CCDC60: variants seen among roughly 807,000 people sequenced by gnomAD.
CCDC60 encodes coiled-coil domain-containing protein 60.
In CCDC60, 54 loss-of-function variants were observed where a neutral mutation model predicts 63.5. The observed-to-expected ratio is 0.85, with a 90% CI of 0.68 to 1.07. The LOEUF (loss-of-function observed/expected upper bound fraction) is 1.07, where lower values mean the gene tolerates loss of function less well. Among genes scored for constraint, CCDC60 ranks in the 50% least tolerant of loss-of-function variants. CCDC60 has a pLI of 0.00. For synonymous variants in CCDC60, 206 were observed against 238.8 expected (o/e 0.86, Z 1.27); for missense variants, 651 against 684.3 (o/e 0.95, Z 0.54).
intron 7 of CCDC60, among the ~76,000 whole-genome samples, chr12:119,511,266 G>T (rs529649185): frequency 6.6e-6 from 1 of 152,150 alleles, no homozygotes; most frequent in Non-Finnish European, 1.5e-5. Flanking sequence ...GAATTCAGGA[G>T]TCCTATTCTA....
At chr12:119,536,981 T>A (rs914193139) in intron 13 of CCDC60, among the ~76,000 whole-genome samples, 1 of 152,234 alleles carries the variant, frequency 6.6e-6, no homozygotes, top group African/African-American at 2.4e-5. Flanking sequence ...GGGGAAGTTC[T>A]CCTGGATAAT....
intron 1 of CCDC60, among the ~76,000 whole-genome samples, chr12:119,407,352 A>AG (rs1491277921): frequency 6.8e-6 from 1 of 147,864 alleles, no homozygotes; most frequent in Non-Finnish European, 1.5e-5. Flanking sequence ...ACAAAAAAAA[A>AG]GAAAAGAAAA....
At chr12:119,343,898 GA>G in intron 1 of CCDC60, among the ~76,000 whole-genome samples, 1 of 152,060 alleles carries the variant, frequency 6.6e-6, no homozygotes, top group East Asian at 1.9e-4. Flanking sequence ...TATCCTGTCT[GA>G]AAAAATGCTG....
At chr12:119,421,489 TA>T (rs1301186276) in intron 1 of CCDC60, among the ~76,000 whole-genome samples, 2 of 152,184 alleles carry the variant, frequency 1.3e-5, no homozygotes, top group East Asian at 3.8e-4. Flanking sequence ...CTTTGCCACT[TA>T]ATAGCAAGTC....
chr12:119,440,150 G>A (rs745836230), intron 2 of CCDC60, among the ~76,000 whole-genome samples: 1 of 152,152 alleles, frequency 6.6e-6, no homozygotes, highest in Non-Finnish European at 1.5e-5. Context: ...GATAGGTGCA[G>A]CAAACCACCA....
intron 1 of CCDC60, among the ~76,000 whole-genome samples, chr12:119,414,883 C>G (rs1214031290): frequency 6.6e-6 from 1 of 152,216 alleles, no homozygotes; most frequent in Non-Finnish European, 1.5e-5. Flanking sequence ...GACCAGGGTT[C>G]TCATCCTGGT....
Position 119,533,952 on chromosome 12 carries a change from GAAGA to G in CCDC60, c.1551+2893_1551+2896del, listed in dbSNP as rs1952930708. Among the ~76,000 whole-genome samples the G allele has an allele frequency of 2.0e-5, 3 of 152,134 alleles. No homozygotes were observed. In the South Asian group the frequency reaches 6.2e-4, roughly 32 times the overall value. ...TTAAAGTAGTTTTTTCCAATTTTGT[GAAGA>G]AAGTCATTGGTAGCTTGATGGGGAT... is the stretch of plus-strand genomic sequence containing the variant. On this transcript the variant is annotated intron_variant, in intron 13 of 13. Transcript: ENST00000327554.
chr12:119,345,572 G>GA (rs1484440254), intron 1 of CCDC60, among the ~76,000 whole-genome samples: 1 of 152,084 alleles, frequency 6.6e-6, no homozygotes, highest in East Asian at 1.9e-4. Flanking sequence ...ATGGGACATA[G>GA]AAAGGGAGGT....
At chr12:119,339,876 C>T (rs931761242) in intron 1 of CCDC60, among the ~76,000 whole-genome samples, 4 of 152,168 alleles carry the variant, frequency 2.6e-5, no homozygotes, top group South Asian at 2.1e-4. Context: ...GGTGTCAGAG[C>T]GAGATCCTGT....
chr12:119,420,377 A>G lies in CCDC60; in HGVS notation c.91-8306A>G, dbSNP rs934165769. Among the ~76,000 whole-genome samples the G allele has an allele frequency of 2.0e-5, 3 of 152,220 alleles. No homozygotes were observed. Among genetic ancestry groups the G allele is most frequent in the African/African-American group, 7.2e-5 (3 of 41,458 alleles). ...ATGGAGTATTATTCAGCTACAAAAA[A>G]AAGAGTGAGATCCAGTTATTTGCAA... is the stretch of plus-strand genomic sequence containing the variant. On this transcript the variant is annotated intron_variant, in intron 1 of 13. Coordinates refer to ENST00000327554, the MANE Select transcript of CCDC60 (RefSeq NM_178499.5). The surrounding 1 kb of genome is among the most constrained non-coding windows in gnomAD (Gnocchi z 4.1).
chr12:119,455,061 C>T (rs912683126), intron 2 of CCDC60, among the ~76,000 whole-genome samples: 7 of 152,212 alleles, frequency 4.6e-5, no homozygotes, highest in African/African-American at 1.7e-4. Context: ...TCCACTTGTA[C>T]CTCATTGGCC....
intron 5 of CCDC60, among the ~76,000 whole-genome samples, chr12:119,497,523 T>C (rs538232877): frequency 6.6e-6 from 1 of 152,288 alleles, no homozygotes; most frequent in East Asian, 1.9e-4. Context: ...GAAGTCGCAA[T>C]AGATTTCAGG....
chr12:119,441,299 TA>T (rs1950440165), intron 2 of CCDC60, among the ~76,000 whole-genome samples: 1 of 152,232 alleles, frequency 6.6e-6, no homozygotes, highest in Non-Finnish European at 1.5e-5. Flanking sequence ...GCCATTACAC[TA>T]ATGGATGTAA....
At chr12:119,360,237 G>A (rs1233398077) in intron 1 of CCDC60, among the ~76,000 whole-genome samples, 3 of 151,112 alleles carry the variant, frequency 2.0e-5, no homozygotes, top group African/African-American at 4.9e-5. Context: ...CAGTAGGGGC[G>A]GCCGGGCAGA....
Position 119,505,261 on chromosome 12 carries a change from G to A in CCDC60, c.841G>A (p.Glu281Lys). 2 of 1,612,676 alleles carry A rather than the reference G, an allele frequency of 1.2e-6. No individual in the cohort carries two copies. The highest frequency in any genetic ancestry group is 4.5e-5 in the East Asian group (2 of 44,868). Reference protein sequence around the residue: ...VTSSKDIEDNESSSTKPDEEP... With the variant: ...VTSSKDIEDNKSSSTKPDEEP... The stretch of plus-strand genomic sequence containing the variant: ...CAGCAGCAAGGACATTGAGGACAAT[G>A]AGTCATCTTCAACCAAGCCAGATGA... Residue 281 changes from glutamate (E) to lysine (K), a missense_variant, in exon 7 of 14, where the codon GAG becomes AAG. By Grantham distance (56) the Glu-to-Lys change is moderately conservative. Coordinates refer to ENST00000327554, the MANE Select transcript of CCDC60 (RefSeq NM_178499.5).
chr12:119,461,395 C>T (rs546738308), intron 2 of CCDC60, among the ~76,000 whole-genome samples: 2 of 152,238 alleles, frequency 1.3e-5, no homozygotes, highest in South Asian at 4.2e-4. Flanking sequence ...ACCTTCCCAT[C>T]GCCCATACTG....
intron 2 of CCDC60, among the ~76,000 whole-genome samples, chr12:119,463,910 C>G (rs573663601): frequency 9.8e-5 from 15 of 152,338 alleles, no homozygotes; most frequent in Admixed American, 2.6e-4. Flanking sequence ...CAGACCATCA[C>G]TGTTACCTGG....
intron 4 of CCDC60, among the ~76,000 whole-genome samples, chr12:119,482,147 CACACACACACAT>C (rs1388585677): frequency 2.1e-5 from 3 of 143,852 alleles, no homozygotes; most frequent in Non-Finnish European, 3.1e-5. Context: ...TATATATACA[CACACACACACAT>C]ACACACACAC....
intron 13 of CCDC60, among the ~76,000 whole-genome samples, chr12:119,537,169 C>T (rs895428728): frequency 2.6e-5 from 4 of 152,302 alleles, no homozygotes; most frequent in Non-Finnish European, 4.4e-5. Context: ...TGATCTTCAA[C>T]CACTGATACC....
Sources: allele counts gnomAD v4.1 joint callset (sites outside exome capture counted in the v4.1 genomes callset), GRCh38; gene constraint gnomAD v4.1.1; non-coding constraint Gnocchi (gnomAD v3.1); transcripts MANE v1.5; gene names NCBI Gene and HGNC (gene_info 2026-07-23, HGNC 2026-07-21).